The following TRPC5 variants were observed in gnomAD, a reference collection of about 807,000 sequenced individuals.
The protein encoded by TRPC5 is short transient receptor potential channel 5.
TRPC5 carries 9 observed loss-of-function variants against 56.5 expected under a neutral mutation model. That is an observed-to-expected ratio of 0.16 (90% confidence interval 0.10 to 0.28). TRPC5 has a LOEUF of 0.28. Among genes scored for constraint, TRPC5 ranks in the 10% least tolerant of loss-of-function variants. TRPC5 has a pLI of 1.00. For missense variants in TRPC5, 469 were observed against 748.9 expected (o/e 0.63, Z 4.36); for synonymous variants, 282 against 278.5 (o/e 1.01, Z -0.13).
At chrX:111,911,626 A>G (rs1925820204) in intron 3 of TRPC5, among the ~76,000 whole-genome samples, 1 of 112,298 alleles carries the variant, frequency 8.9e-6, no homozygotes, top group Non-Finnish European at 1.9e-5. Context: ...TCAAAGCCTC[A>G]CCTGTGACCT....
chrX:111,879,900 C>T (rs1306909132), intron 3 of TRPC5, among the ~76,000 whole-genome samples: 2 of 107,607 alleles, frequency 1.9e-5, no homozygotes, highest in Admixed American at 1.9e-4. Context: ...ATTTACTTAT[C>T]TAGTCAAGTT....
At chrX:111,952,563 CT>C in intron 1 of TRPC5, 122 bp from the exon 2 acceptor site, 3 of 670,339 alleles carry the variant, frequency 4.5e-6, no homozygotes, top group Non-Finnish European at 6.4e-6. Flanking sequence ...ATGACGCCGT[CT>C]TTTTTCCGCT....
intron 1 of TRPC5, among the ~76,000 whole-genome samples, chrX:111,987,643 C>T (rs756789408): frequency 5.4e-5 from 6 of 112,011 alleles, no homozygotes; most frequent in Non-Finnish European, 1.1e-4. Context: ...TCTAGGTTCT[C>T]CATGTTGTCG....
intron 1 of TRPC5, among the ~76,000 whole-genome samples, chrX:112,073,543 T>G (rs1167394108): frequency 9.0e-6 from 1 of 111,676 alleles, no homozygotes; most frequent in Non-Finnish European, 1.9e-5. Context: ...GTGGTGGGAT[T>G]ACAGATGTGA....
intron 7 of TRPC5, among the ~76,000 whole-genome samples, chrX:111,793,853 G>C (rs1363294670): frequency 1.8e-5 from 2 of 112,182 alleles, no homozygotes; most frequent in Admixed American, 9.5e-5. Context: ...TTCATACAAT[G>C]AAATATAATC....
At chrX:112,078,224 T>C (rs1003738531) in intron 1 of TRPC5, among the ~76,000 whole-genome samples, 1 of 111,845 alleles carries the variant, frequency 8.9e-6, no homozygotes, top group Non-Finnish European at 1.9e-5. Context: ...TGTGAGTGTG[T>C]GTGTGTTAGG....
chrX:111,856,504 A>ACT (rs1198146838), intron 3 of TRPC5, among the ~76,000 whole-genome samples: 2 of 106,117 alleles, frequency 1.9e-5, no homozygotes, highest in African/African-American at 7.0e-5. Flanking sequence ...GTGCCACTGC[A>ACT]CTCCAGCCTG....
Position 112,013,281 on chromosome X carries a change from GC to G in TRPC5, c.-21-60841del, listed in dbSNP as rs11337906. Among the ~76,000 whole-genome samples, 684 of 111,743 alleles carry G rather than the reference GC, an allele frequency of 6.1e-3. 2 individuals are homozygous for G. Among genetic ancestry groups the G allele is most frequent in the African/African-American group, 0.022 (666 of 30,742 alleles). On this transcript the variant is annotated intron_variant, in intron 1 of 10. Transcript: ENST00000262839. Reference sequence around the variant, plus strand: ...TTCTCCTGCCTCAGCCTCCCAAGTAGCTGGGACTATAGGCGTGCGCCACCAT... The same window carrying G: ...TTCTCCTGCCTCAGCCTCCCAAGTAGTGGGACTATAGGCGTGCGCCACCAT...
intron 3 of TRPC5, among the ~76,000 whole-genome samples, chrX:111,885,295 A>G (rs1029412787): frequency 8.9e-6 from 1 of 112,272 alleles, no homozygotes; most frequent in Non-Finnish European, 1.9e-5. Flanking sequence ...TCTAGAAAGG[A>G]CTAAGCTTAG....
intron 1 of TRPC5, among the ~76,000 whole-genome samples, chrX:111,975,769 C>T (rs1268464406): frequency 2.7e-5 from 3 of 111,569 alleles, no homozygotes; most frequent in African/African-American, 6.5e-5. Flanking sequence ...CCGGGCGTGG[C>T]GGCGTGCGCC....
At chrX:111,890,423 A>G (rs974598678) in intron 3 of TRPC5, among the ~76,000 whole-genome samples, 1 of 112,118 alleles carries the variant, frequency 8.9e-6, no homozygotes, top group Non-Finnish European at 1.9e-5. Context: ...AAGCCAAAAA[A>G]CTGGATACCC....
chrX:111,835,145 A>C, intron 6 of TRPC5, 29 bp from the exon 7 acceptor site: 1 of 1,124,644 alleles, frequency 8.9e-7, no homozygotes, highest in South Asian at 2.2e-5. Flanking sequence ...CAGGTTAGTT[A>C]ATTCTTTAAG....
intron 1 of TRPC5, among the ~76,000 whole-genome samples, chrX:111,968,530 G>A (rs1927676250): frequency 9.0e-6 from 1 of 110,565 alleles, no homozygotes; most frequent in Admixed American, 9.6e-5. Context: ...GCATACGTAT[G>A]TTTATTGCGG....
chrX:111,811,786 G>A (rs1480374293), intron 7 of TRPC5, among the ~76,000 whole-genome samples: 2 of 111,395 alleles, frequency 1.8e-5, no homozygotes, highest in African/African-American at 3.3e-5. Flanking sequence ...CTGGTATGTA[G>A]TAAGAGCTAT....
chrX:111,844,038 G>C (rs1280743736), intron 6 of TRPC5, among the ~76,000 whole-genome samples: 1 of 109,718 alleles, frequency 9.1e-6, no homozygotes, highest in Admixed American at 9.8e-5. Flanking sequence ...TGTTTCATGA[G>C]GGAAGGTGTA....
chrX:111,878,817 G>A (rs770376894), intron 3 of TRPC5, among the ~76,000 whole-genome samples: 165 of 111,649 alleles, frequency 1.5e-3, no homozygotes, highest in African/African-American at 5.3e-3. Flanking sequence ...TCTTCCTTGA[G>A]TGAGAAACAC....
At chrX:112,003,220 AC>A (rs754271096) in intron 1 of TRPC5, among the ~76,000 whole-genome samples, 2 of 112,072 alleles carry the variant, frequency 1.8e-5, no homozygotes, top group African/African-American at 6.5e-5. Context: ...AATTCAAAAA[AC>A]ATTACAGAGT....
intron 1 of TRPC5, among the ~76,000 whole-genome samples, chrX:112,081,451 T>C (rs757141017): frequency 1.7e-4 from 19 of 111,472 alleles, no homozygotes; most frequent in South Asian, 1.2e-3. Flanking sequence ...TCTCTATTTC[T>C]GAAGGTGGCT....
intron 4 of TRPC5, among the ~76,000 whole-genome samples, chrX:111,853,195 A>C (rs1349024932): frequency 9.0e-6 from 1 of 111,542 alleles, no homozygotes. Flanking sequence ...CCACAGTTTG[A>C]GTAGCAAGGA....
Sources: allele counts gnomAD v4.1 joint callset (sites outside exome capture counted in the v4.1 genomes callset), GRCh38; gene constraint gnomAD v4.1.1; transcripts MANE v1.5; gene names NCBI Gene and HGNC (gene_info 2026-07-23, HGNC 2026-07-21).